The following FBN2 variants were observed in gnomAD, a reference collection of about 807,000 sequenced individuals.
The protein encoded by FBN2 is fibrillin 2.
Under a neutral mutation model 355.6 loss-of-function variants are expected in FBN2, and 105 were observed. The ratio of observed to expected loss-of-function variants is 0.30; its 90% CI spans 0.25 to 0.35. The LOEUF (loss-of-function observed/expected upper bound fraction) is 0.35. FBN2 is among the 10% of genes least tolerant of loss of function. The pLI, the probability that FBN2 is intolerant of heterozygous loss-of-function variation, is 1.00. For missense variants in FBN2, 3,280 were observed against 3,758.7 expected (o/e 0.87, Z 3.33); for synonymous variants, 1,350 against 1,301.2 (o/e 1.04, Z -0.81).
At chr5:128,435,153 C>A (rs1209369172) in intron 7 of FBN2, among the ~76,000 whole-genome samples, 1 of 152,058 alleles carries the variant, frequency 6.6e-6, no homozygotes. Context: ...ATAAATCAAG[C>A]CCTCTGGGTC....
intron 8 of FBN2, among the ~76,000 whole-genome samples, chr5:128,399,475 C>G (rs764345083): frequency 6.6e-6 from 1 of 151,838 alleles, no homozygotes; most frequent in Non-Finnish European, 1.5e-5. Context: ...AGTTTTCTAC[C>G]AAGAGTTTTT....
Position 128,471,737 on chromosome 5 carries a change from T to A in FBN2, c.629-6816A>T, listed in dbSNP as rs528377427. On this transcript the variant is annotated intron_variant, in intron 5 of 64. Coordinates refer to ENST00000262464, the MANE Select transcript of FBN2 (RefSeq NM_001999.4). ...AAATTATTGAGTAACTTATTTAGAGTTATGATGATTGTCATTAGGCTTATA... is the reference window on the plus strand; with the variant it reads ...AAATTATTGAGTAACTTATTTAGAGATATGATGATTGTCATTAGGCTTATA... Among the ~76,000 whole-genome samples the A allele has an allele frequency of 4.6e-5, 7 of 152,232 alleles. No homozygotes were observed. In the East Asian group the frequency reaches 1.3e-3, roughly 29 times the overall value.
At chr5:128,328,941 C>T (rs1750624186) in intron 33 of FBN2, 120 bp from the exon 34 acceptor site, 18 of 984,964 alleles carry the variant, frequency 1.8e-5, no homozygotes, top group Admixed American at 1.7e-4. Context: ...CATGAAACAA[C>T]AGTTAATCAC....
At chr5:128,271,901 A>G in intron 62 of FBN2, 98 bp downstream of exon 62, 3 of 1,403,180 alleles carry the variant, frequency 2.1e-6, no homozygotes, top group Non-Finnish European at 3.0e-6. Context: ...TAAAATTCAA[A>G]GGCTATACTG....
At chr5:128,382,534 C>T (rs1752259780) in intron 11 of FBN2, among the ~76,000 whole-genome samples, 3 of 151,750 alleles carry the variant, frequency 2.0e-5, no homozygotes, top group Admixed American at 2.0e-4. Context: ...GTAACTCTAC[C>T]CCGGACATTC....
chr5:128,305,512 T>G lies in FBN2; in HGVS notation c.5673A>C (p.Val1891=), dbSNP rs746792907. Residue 1891 remains valine (V), a splice_region_variant and synonymous_variant, in exon 44 of 65, where the codon GTA becomes GTC. Coordinates refer to ENST00000262464, the MANE Select transcript of FBN2 (RefSeq NM_001999.4). ...AGAATGAGTCAGCCTCTTTCTTACCTACACAGGCCCCATTGGGTGAAAGTT... is the reference window on the plus strand; with the variant it reads ...AGAATGAGTCAGCCTCTTTCTTACCGACACAGGCCCCATTGGGTGAAAGTT... ...GFKLSPNGAC[V]DRNECLEIPN... The G allele has an allele frequency of 4.3e-6, 7 of 1,613,932 alleles. No homozygotes were observed. The South Asian group carries it at 6.6e-5, about 15-fold the overall frequency.
At chr5:128,465,061 A>G (rs188028412) in intron 5 of FBN2, 140 bp from the exon 6 acceptor site, 94 of 845,562 alleles carry the variant, frequency 1.1e-4, no homozygotes, top group Non-Finnish European at 1.7e-4. Context: ...TTTCATGTTA[A>G]AAATTCATAA....
chr5:128,335,726 T>C, intron 28 of FBN2, 149 bp from the exon 29 acceptor site: 1 of 1,056,894 alleles, frequency 9.5e-7, no homozygotes, highest in Admixed American at 1.7e-5. Flanking sequence ...TTCTTTCACC[T>C]TCATTTTAGG....
At chr5:128,281,654 A>T (rs1279312259) in intron 55 of FBN2, among the ~76,000 whole-genome samples, 4 of 152,090 alleles carry the variant, frequency 2.6e-5, no homozygotes, top group African/African-American at 7.2e-5. Flanking sequence ...TAATTAATTT[A>T]AAAAAATTAG....
At chr5:128,406,936 CA>C (rs1561441351) in intron 8 of FBN2, among the ~76,000 whole-genome samples, 2 of 152,204 alleles carry the variant, frequency 1.3e-5, no homozygotes, top group African/African-American at 4.8e-5. Flanking sequence ...CTCAGTTATA[CA>C]GACTTAATAT....
Position 128,357,409 on chromosome 5 carries a change from G to A in FBN2, c.2555-14C>T. The A allele has an allele frequency of 6.2e-7, 1 of 1,613,644 alleles. No individual in the cohort carries two copies. Among genetic ancestry groups the A allele is most frequent in the Non-Finnish European group, 8.5e-7 (1 of 1,179,646 alleles). On this transcript the variant is annotated splice_polypyrimidine_tract_variant and intron_variant, in intron 19 of 64. Coordinates refer to ENST00000262464, the MANE Select transcript of FBN2 (RefSeq NM_001999.4). ...ATTCATTTATATCTACAATCCAGAAGGAAAAGATTCTGTTAGAACTGCCAT... is the reference window on the plus strand; with the variant it reads ...ATTCATTTATATCTACAATCCAGAAAGAAAAGATTCTGTTAGAACTGCCAT...
intron 5 of FBN2, among the ~76,000 whole-genome samples, chr5:128,465,832 T>C (rs894734219): frequency 6.6e-6 from 1 of 152,208 alleles, no homozygotes; most frequent in African/African-American, 2.4e-5. Context: ...AAGGTTTCTA[T>C]GGACCAGCAG....
At chr5:128,350,213 A>T (rs528370913) in intron 21 of FBN2, among the ~76,000 whole-genome samples, 68 of 152,328 alleles carry the variant, frequency 4.5e-4, no homozygotes, top group Non-Finnish European at 8.8e-4. Context: ...CTGTATTGAG[A>T]TTCTCATAAT....
intron 6 of FBN2, among the ~76,000 whole-genome samples, chr5:128,464,505 T>C (rs1443016075): frequency 6.6e-6 from 1 of 152,236 alleles, no homozygotes; most frequent in East Asian, 1.9e-4. Flanking sequence ...TTTCCCCCAA[T>C]TCTTCATCTC....
intron 7 of FBN2, among the ~76,000 whole-genome samples, chr5:128,444,054 C>CTTTTTTTTTTTTTTTTTTTTT (rs35768962): frequency 1.5e-5 from 1 of 65,624 alleles, no homozygotes; most frequent in African/African-American, 6.2e-5. Context: ...ATCACTTGTT[C>CTTTTTTTTTTTTTTTTTTTTT]TTTTTTTTTT....
chr5:128,338,685 T>A (rs937880984), intron 26 of FBN2, among the ~76,000 whole-genome samples: 3 of 152,182 alleles, frequency 2.0e-5, no homozygotes, highest in African/African-American at 7.2e-5. Context: ...CTGTGTGATT[T>A]TAGATTCTAT....
intron 63 of FBN2, 136 bp from the exon 64 acceptor site, chr5:128,262,043 C>G: frequency 1.4e-6 from 1 of 738,860 alleles, no homozygotes; most frequent in Admixed American, 2.0e-5. Context: ...CCCTAATATT[C>G]TTTGCAACTC....
chr5:128,414,410 CTTAG>C (rs978567392), intron 7 of FBN2, among the ~76,000 whole-genome samples: 1 of 152,114 alleles, frequency 6.6e-6, no homozygotes, highest in African/African-American at 2.4e-5. Flanking sequence ...GCTTCTTTCA[CTTAG>C]TTTATGTTTT....
intron 5 of FBN2, among the ~76,000 whole-genome samples, chr5:128,508,142 T>G (rs775884754): frequency 1.8e-4 from 27 of 152,066 alleles, no homozygotes; most frequent in Non-Finnish European, 2.8e-4. Flanking sequence ...CTTTTAGGTC[T>G]TAATCCATTA....
Sources: allele counts gnomAD v4.1 joint callset (sites outside exome capture counted in the v4.1 genomes callset), GRCh38; gene constraint gnomAD v4.1.1; transcripts MANE v1.5; gene names NCBI Gene and HGNC (gene_info 2026-07-23, HGNC 2026-07-21).